Variants in CHODL observed in about 807,000 individuals in gnomAD.
The protein encoded by CHODL is chondrolectin, also known as transmembrane protein MT75.
A neutral mutation model predicts 34.5 loss-of-function variants in CHODL; 29 were observed. The observed-to-expected ratio is 0.84, with a 90% confidence interval of 0.63 to 1.15. CHODL has a LOEUF of 1.15. Ranked by LOEUF, CHODL falls within the 50% of genes most tolerant of loss-of-function variation. The pLI is 0.00. For missense variants in CHODL, 332 were observed against 332.5 expected, an observed-to-expected ratio of 1.00 and a Z score of 0.01; for synonymous variants, 125 against 116.1, an observed-to-expected ratio of 1.08 and a Z score of -0.49.
chr21:18,208,922 C>G (rs1050225981), intron 2 of CHODL, among the ~76,000 whole-genome samples: 1 of 142,094 alleles, frequency 7.0e-6, no homozygotes, highest in Non-Finnish European at 1.5e-5. Flanking sequence ...AGGGGTTACA[C>G]TAGCAGCTCT....
intron 2 of CHODL, among the ~76,000 whole-genome samples, chr21:18,098,740 A>C (rs541675767): frequency 1.3e-4 from 20 of 152,230 alleles, no homozygotes; most frequent in African/African-American, 4.6e-4. Flanking sequence ...ACCAAAAAGA[A>C]AGCAAATCAG....
intron 1 of CHODL, among the ~76,000 whole-genome samples, chr21:17,917,881 G>A (rs1005764699): frequency 3.3e-5 from 5 of 151,912 alleles, no homozygotes; most frequent in Non-Finnish European, 7.4e-5. Flanking sequence ...ATATGCGTGT[G>A]TGTGTGTGTA....
chr21:18,005,035 T>A (rs2063947066), intron 1 of CHODL, among the ~76,000 whole-genome samples: 1 of 152,216 alleles, frequency 6.6e-6, no homozygotes, highest in South Asian at 2.1e-4. Context: ...GTAGACGATA[T>A]TATCCCCATT....
At chr21:17,946,214 G>A (rs183700071) in intron 1 of CHODL, among the ~76,000 whole-genome samples, 35 of 152,288 alleles carry the variant, frequency 2.3e-4, no homozygotes, top group African/African-American at 7.9e-4. Flanking sequence ...GCAGGAGATT[G>A]AGACCATCCT....
chr21:18,159,956 C>G (rs1002544048), intron 2 of CHODL, among the ~76,000 whole-genome samples: 1 of 152,206 alleles, frequency 6.6e-6, no homozygotes, highest in African/African-American at 2.4e-5. Flanking sequence ...TTTTTGCTAA[C>G]ACTTTGCTTT....
chr21:17,937,468 G>A (rs996007597), intron 1 of CHODL, among the ~76,000 whole-genome samples: 18 of 152,232 alleles, frequency 1.2e-4, no homozygotes, highest in Admixed American at 7.2e-4. Flanking sequence ...GAAAGCTCAC[G>A]TTGAGGGTGA....
intron 1 of CHODL, among the ~76,000 whole-genome samples, chr21:17,990,096 T>A (rs2063785165): frequency 1.3e-5 from 2 of 152,118 alleles, no homozygotes; most frequent in African/African-American, 4.8e-5. Flanking sequence ...TCAGGTCTCC[T>A]AAAACTGCTC....
rs73316215 is a variant in CHODL at position 18,189,161 on chromosome 21, C to T, written c.-44-67348C>T. On this transcript the variant is annotated intron_variant, in intron 2 of 6. Transcript: ENST00000400127. Reference sequence around the variant, plus strand: ...TTTTTGTTTAATTTAACACAAGTGACTCCATTTTGAGTTGCACAATTTTCA... The same window carrying T: ...TTTTTGTTTAATTTAACACAAGTGATTCCATTTTGAGTTGCACAATTTTCA... Among the ~76,000 whole-genome samples, 1,274 of 152,224 alleles carry T rather than the reference C, an allele frequency of 8.4e-3. 17 individuals carry two copies. The highest frequency in any genetic ancestry group is 0.029 in the African/African-American group (1,207 of 41,536).
At position 18,193,724 on chromosome 21, in the gene CHODL, T is replaced by A. The variant is rs1052862043; in HGVS notation, c.-44-62785T>A. On this transcript the variant is annotated intron_variant, in intron 2 of 6. Coordinates refer to the CHODL transcript ENST00000400127. The stretch of plus-strand genomic sequence containing the variant: ...AAAAAAAAAAAATAAAATAAATAAA[T>A]AAATAAATAAATAAATAAATAAAAA... 4.1e-3 allele frequency among the ~76,000 whole-genome samples: 604 copies of A among 146,170 alleles called. 20 individuals carry two copies. Among genetic ancestry groups the A allele is most frequent in the East Asian group, 0.03 (146 of 4,890 alleles).
intron 2 of CHODL, among the ~76,000 whole-genome samples, chr21:18,200,547 A>G (rs990740136): frequency 6.6e-6 from 1 of 152,142 alleles, no homozygotes; most frequent in East Asian, 1.9e-4. Context: ...TCCTCTTAAT[A>G]TCTCCTATCT....
At chr21:18,181,430 T>C (rs1470759315) in intron 2 of CHODL, among the ~76,000 whole-genome samples, 2 of 152,202 alleles carry the variant, frequency 1.3e-5, no homozygotes, top group African/African-American at 4.8e-5. Context: ...TGAGACGGAG[T>C]CTCGCTCTGT....
chr21:18,192,594 T>A lies in CHODL; in HGVS notation c.-44-63915T>A, dbSNP rs73893021. On this transcript the variant is annotated intron_variant, in intron 2 of 6. Transcript: ENST00000400127. ...TACATAGGTTTACTAGTGCTATATT[T>A]TAACTTGGACATATCATTTTGAAAA... is the stretch of plus-strand genomic sequence containing the variant. 9.1e-3 allele frequency among the ~76,000 whole-genome samples: 1,389 copies of A among 152,314 alleles called. 29 individuals are homozygous for A. The highest frequency in any genetic ancestry group is 0.031 in the African/African-American group (1,306 of 41,560).
At chr21:18,116,106 C>T (rs987374570) in intron 2 of CHODL, among the ~76,000 whole-genome samples, 3 of 152,168 alleles carry the variant, frequency 2.0e-5, no homozygotes, top group African/African-American at 7.2e-5. Context: ...GGGGTACATG[C>T]AAAGTCCTCT....
At chr21:17,955,933 C>T (rs1184120268) in intron 1 of CHODL, among the ~76,000 whole-genome samples, 2 of 136,440 alleles carry the variant, frequency 1.5e-5, no homozygotes, top group South Asian at 2.8e-4. Flanking sequence ...ATATTAAAGC[C>T]CATCTATCTG....
chr21:18,216,820 C>A (rs781140111), intron 2 of CHODL, among the ~76,000 whole-genome samples: 9 of 152,058 alleles, frequency 5.9e-5, no homozygotes, highest in Non-Finnish European at 1.0e-4. Flanking sequence ...ACACTTATCA[C>A]ACAACCAGAT....
At chr21:18,045,165 T>C (rs1035573092) in intron 2 of CHODL, among the ~76,000 whole-genome samples, 2 of 151,904 alleles carry the variant, frequency 1.3e-5, no homozygotes, top group Non-Finnish European at 2.9e-5. Flanking sequence ...TGAGTCAAAG[T>C]TCTAGAAAGA....
chr21:18,266,188 A>G lies in CHODL; in HGVS notation c.*150A>G, dbSNP rs532386564. 1.9e-6 allele frequency: 3 copies of G among 1,545,594 alleles called. No individual in the cohort carries two copies. Among genetic ancestry groups the G allele is most frequent in the Non-Finnish European group, 2.6e-6 (3 of 1,143,798 alleles). ...TGAGGCAAATATTAAAGTAATTTTT[A>G]TATGTCTATTATTTCATTTAAAGAA... On this transcript the variant is annotated 3_prime_UTR_variant, in exon 6 of 6. Transcript: ENST00000299295.
intron 1 of CHODL, among the ~76,000 whole-genome samples, chr21:18,015,986 A>T (rs1018370025): frequency 8.5e-5 from 13 of 152,254 alleles, no homozygotes; most frequent in African/African-American, 3.1e-4. Context: ...AGGGAAGCAG[A>T]GCGTAGAAGT....
chr21:18,099,148 A>G (rs2065179060), intron 2 of CHODL, among the ~76,000 whole-genome samples: 1 of 152,028 alleles, frequency 6.6e-6, no homozygotes, highest in Admixed American at 6.6e-5. Flanking sequence ...GGTTAGAAAG[A>G]ATGAATAAGA....
Sources: gnomAD v4.1 joint callset for allele counts (sites outside exome capture counted in the v4.1 genomes callset) on GRCh38, gnomAD v4.1.1 for gene constraint, MANE v1.5 for transcripts, NCBI Gene and HGNC (gene_info 2026-07-23, HGNC 2026-07-21) for gene names.